The following TAFA2 variants were observed in gnomAD, a reference collection of about 807,000 sequenced individuals.
The protein encoded by TAFA2 is TAFA chemokine like family member 2.
TAFA2 carries 7 observed loss-of-function variants against 18.8 expected under a neutral mutation model. The observed-to-expected ratio is 0.37, with a 90% CI of 0.21 to 0.70. The LOEUF is 0.70. Among genes scored for constraint, TAFA2 ranks in the 30% least tolerant of loss-of-function variants. TAFA2 has a pLI of 0.53. For synonymous variants in TAFA2, 60 were observed against 54.2 expected, an observed-to-expected ratio of 1.11 and a Z score of -0.47; for missense variants, 122 against 158.1, an observed-to-expected ratio of 0.77 and a Z score of 1.23.
intron 1 of TAFA2, among the ~76,000 whole-genome samples, chr12:61,897,530 G>A (rs1875904046): frequency 6.6e-6 from 1 of 152,124 alleles, no homozygotes. Context: ...GTCTTACATG[G>A]CAGCAGGTGA....
At chr12:61,963,516 A>C (rs558019405) in intron 1 of TAFA2, among the ~76,000 whole-genome samples, 1 of 152,028 alleles carries the variant, frequency 6.6e-6, no homozygotes, top group South Asian at 2.1e-4. Flanking sequence ...GTCTGTTCAT[A>C]TCCTTCACCC....
chr12:62,019,396 T>G (rs1881045036), intron 1 of TAFA2, among the ~76,000 whole-genome samples: 1 of 89,548 alleles, frequency 1.1e-5, no homozygotes. Context: ...TGTGGCACTA[T>G]TCACAATAGC....
chr12:62,180,921 A>G (rs1592386560), intron 1 of TAFA2, among the ~76,000 whole-genome samples: 1 of 152,248 alleles, frequency 6.6e-6, no homozygotes. Context: ...CAATCAAAAT[A>G]TATTCCATAT....
intron 1 of TAFA2, among the ~76,000 whole-genome samples, chr12:61,875,663 G>C (rs1874811836): frequency 6.6e-6 from 1 of 152,114 alleles, no homozygotes; most frequent in Non-Finnish European, 1.5e-5. Context: ...AAAGGACAGG[G>C]CTGGATAATT....
chr12:62,022,105 C>T (rs781697834), intron 1 of TAFA2: 14 of 504,734 alleles, frequency 2.8e-5, no homozygotes, highest in Non-Finnish European at 5.1e-5. Context: ...CCCCAACCCA[C>T]TGGCCCTTCT....
At chr12:61,800,016 A>T (rs909068803) in intron 2 of TAFA2, among the ~76,000 whole-genome samples, 3 of 152,144 alleles carry the variant, frequency 2.0e-5, no homozygotes, top group Non-Finnish European at 2.9e-5. Context: ...GTCCACAAAC[A>T]CTGTCATTTG....
At chr12:62,074,156 A>AAC (rs151209997) in intron 1 of TAFA2, among the ~76,000 whole-genome samples, 4 of 152,172 alleles carry the variant, frequency 2.6e-5, no homozygotes, top group East Asian at 1.9e-4. Flanking sequence ...CCAAAGTTAG[A>AAC]ACACACACAC....
At chr12:61,778,689 A>T (rs1433112539) in intron 2 of TAFA2, among the ~76,000 whole-genome samples, 2 of 151,930 alleles carry the variant, frequency 1.3e-5, no homozygotes, top group African/African-American at 4.8e-5. Context: ...CTATGAAGTT[A>T]TGTCGACCTG....
chr12:61,740,637 G>C (rs1454309696), intron 4 of TAFA2, among the ~76,000 whole-genome samples: 1 of 151,806 alleles, frequency 6.6e-6, no homozygotes, highest in Non-Finnish European at 1.5e-5. Context: ...ATCATTATTT[G>C]AAATACTCAT....
intron 1 of TAFA2, among the ~76,000 whole-genome samples, chr12:62,031,218 A>G (rs1881448513): frequency 6.6e-6 from 1 of 152,090 alleles, no homozygotes; most frequent in East Asian, 1.9e-4. Context: ...TGGGAAAGGC[A>G]GACCCATCCT....
At chr12:61,740,127 C>A (rs962603825) in intron 4 of TAFA2, among the ~76,000 whole-genome samples, 8 of 152,114 alleles carry the variant, frequency 5.3e-5, no homozygotes, top group Non-Finnish European at 7.4e-5. Flanking sequence ...CCATCCTTCT[C>A]CCTGCCCTCA....
chr12:62,165,131 A>T (rs1277294787), intron 1 of TAFA2, among the ~76,000 whole-genome samples: 1 of 152,140 alleles, frequency 6.6e-6, no homozygotes, highest in Non-Finnish European at 1.5e-5. Context: ...ATATCTTCAG[A>T]TAGCAAACCT....
chr12:61,756,178 A>G (rs1300758904), intron 2 of TAFA2, among the ~76,000 whole-genome samples: 1 of 152,096 alleles, frequency 6.6e-6, no homozygotes, highest in Non-Finnish European at 1.5e-5. Context: ...CAAATCACAC[A>G]TATTTCCTAC....
intron 1 of TAFA2, among the ~76,000 whole-genome samples, chr12:62,006,024 T>C (rs763738904): frequency 1.3e-5 from 2 of 152,194 alleles, no homozygotes; most frequent in African/African-American, 2.4e-5. Flanking sequence ...TTTATAATAC[T>C]ATGAAGACTC....
At chr12:61,891,162 T>C (rs954755673) in intron 1 of TAFA2, among the ~76,000 whole-genome samples, 3 of 152,130 alleles carry the variant, frequency 2.0e-5, no homozygotes, top group Non-Finnish European at 4.4e-5. Context: ...AATGTGACAA[T>C]TTTAAGTATT....
At chr12:61,959,092 T>C (rs929902663) in intron 1 of TAFA2, among the ~76,000 whole-genome samples, 1 of 152,054 alleles carries the variant, frequency 6.6e-6, no homozygotes, top group Non-Finnish European at 1.5e-5. Flanking sequence ...AGGGGCTTTA[T>C]TGTATGCCCT....
chr12:61,724,801 G>GTATATACACCAGATGGGTGTATATGTA (rs1555196549), intron 4 of TAFA2, among the ~76,000 whole-genome samples: 9 of 110,434 alleles, frequency 8.1e-5, no homozygotes, highest in East Asian at 5.6e-4. Context: ...GTGTGTGTGT[G>GTATATACACCAGATGGGTGTATATGTA]TATACACCAG....
intron 2 of TAFA2, among the ~76,000 whole-genome samples, chr12:61,826,256 T>G (rs1413322772): frequency 6.6e-6 from 1 of 152,014 alleles, no homozygotes; most frequent in Non-Finnish European, 1.5e-5. Context: ...AACCTGACAG[T>G]ACTACCCTTT....
intron 2 of TAFA2, among the ~76,000 whole-genome samples, chr12:61,767,586 A>G (rs2120827872): frequency 6.6e-6 from 1 of 152,188 alleles, no homozygotes; most frequent in East Asian, 1.9e-4. Flanking sequence ...CCTTCCAACT[A>G]CAATCCAACA....
Sources: gnomAD v4.1 joint callset for allele counts (sites outside exome capture counted in the v4.1 genomes callset) on GRCh38, gnomAD v4.1.1 for gene constraint, MANE v1.5 for transcripts, NCBI Gene and HGNC (gene_info 2026-07-23, HGNC 2026-07-21) for gene names.